SDR42E1: variants seen among roughly 807,000 people sequenced by gnomAD.
The protein encoded by SDR42E1 is short-chain dehydrogenase/reductase family 42E member 1.
Under a neutral mutation model 2.6 loss-of-function variants are expected in SDR42E1, and 5 were observed. That is an observed-to-expected ratio of 1.94 (90% CI 1.01 to 4.08). SDR42E1 has a LOEUF of 4.08. SDR42E1 is among the 30% of genes most tolerant of loss of function. SDR42E1 has a pLI of 0.00. For missense variants in SDR42E1, 596 were observed against 478.6 expected, an observed-to-expected ratio of 1.25 and a Z score of -2.29; for synonymous variants, 231 against 188.3, an observed-to-expected ratio of 1.23 and a Z score of -1.86.
intron 1 of SDR42E1, among the ~76,000 whole-genome samples, chr16:82,008,091 TAAAAG>T (rs1913007905): frequency 1.3e-5 from 2 of 152,180 alleles, no homozygotes; most frequent in Non-Finnish European, 1.5e-5. Context: ...GATGATTTTA[TAAAAG>T]AAAATTCCCC....
rs1912683217 is a variant in SDR42E1 at position 81,999,808 on chromosome 16, T to C, written c.485A>G (p.Lys162Arg). ...GGGTGTAGCATTCGCCTCCAGCACC[T>C]TCTGCTCTGCAATTGACTTTGTCCG... The part of the protein sequence containing the change: ...YSRTKSIAEQ[K>R]VLEANATPLD... The change falls in exon 3 of 3, where the codon AAG becomes AGG. Residue 162 changes from lysine (K) to arginine (R), a missense_variant. Lys to Arg is a conservative substitution (Grantham distance 26). Coordinates refer to ENST00000328945, the MANE Select transcript of SDR42E1 (RefSeq NM_145168.3). The C allele has an allele frequency of 6.2e-7, 1 of 1,614,096 alleles. No homozygotes were observed. The highest frequency in any genetic ancestry group is 8.5e-7 in the Non-Finnish European group (1 of 1,180,044).
chr16:82,009,406 C>T (rs983893913), intron 1 of SDR42E1, among the ~76,000 whole-genome samples: 2 of 152,234 alleles, frequency 1.3e-5, no homozygotes, highest in African/African-American at 4.8e-5. Context: ...CCTGCAAAAC[C>T]ACAAGGGTGG....
At position 81,988,911 on chromosome 16, in the gene SDR42E1, C is replaced by T. The variant is rs540148439; in HGVS notation, c.*10200G>A. On this transcript the variant is annotated 3_prime_UTR_variant, in exon 3 of 3. Transcript: ENST00000328945. Reference sequence around the variant, plus strand: ...AATGTTGGTAGAATACTGCTACATACCCAGAATTCAGGATTTTCTACTATA... The same window carrying T: ...AATGTTGGTAGAATACTGCTACATATCCAGAATTCAGGATTTTCTACTATA... 1 of 152,100 alleles carries T rather than the reference C, an allele frequency of 6.6e-6. No individual in the cohort carries two copies. Among genetic ancestry groups the T allele is most frequent in the Admixed American group, 6.6e-5 (1 of 15,256 alleles). 9.4% of individuals were successfully genotyped at this position (152,100 alleles called of 1,614,324 possible).
chr16:81,992,780 T>C lies in SDR42E1; in HGVS notation c.*6331A>G, dbSNP rs1193705035. ...TGTAGTGAACTAGATTTGGCCTCGG[T>C]CATAATTACTTGAGTTCAATGAACT... On this transcript the variant is annotated 3_prime_UTR_variant, in exon 3 of 3. Transcript: ENST00000328945. 1 of 151,994 alleles carries C rather than the reference T, an allele frequency of 6.6e-6. No homozygotes were observed. Among genetic ancestry groups the C allele is most frequent in the Non-Finnish European group, 1.5e-5 (1 of 68,012 alleles). The allele number at this position is 151,994 out of a possible 1,614,324, so 9.4% of individuals were successfully genotyped here.
At chr16:82,006,126 T>A (rs1912925064) in intron 1 of SDR42E1, among the ~76,000 whole-genome samples, 1 of 152,198 alleles carries the variant, frequency 6.6e-6, no homozygotes, top group South Asian at 2.1e-4. Context: ...AATATGGGTG[T>A]CATTAGCATT....
intron 1 of SDR42E1, among the ~76,000 whole-genome samples, chr16:82,001,873 G>A (rs1311830478): frequency 6.8e-6 from 1 of 146,602 alleles, no homozygotes; most frequent in African/African-American, 2.6e-5. Flanking sequence ...CTGCACTCTA[G>A]CCTGGGCGAC....
intron 1 of SDR42E1, among the ~76,000 whole-genome samples, chr16:82,008,349 G>A (rs1220931456): frequency 1.3e-5 from 2 of 152,218 alleles, no homozygotes; most frequent in African/African-American, 4.8e-5. Flanking sequence ...AAGTGACTTT[G>A]GAACTGGTTT....
Position 81,992,210 on chromosome 16 carries a change from T to C in SDR42E1, c.*6901A>G, listed in dbSNP as rs1296189014. On this transcript the variant is annotated 3_prime_UTR_variant, in exon 3 of 3. Coordinates refer to ENST00000328945, the MANE Select transcript of SDR42E1 (RefSeq NM_145168.3). ...TTATCCTGAGTAAACTCTCAACAAA[T>C]AGTAGCAATTAACTATTAACAATGT... 2 of 152,120 alleles carry C rather than the reference T, an allele frequency of 1.3e-5. No individual in the cohort carries two copies. The highest frequency in any genetic ancestry group is 4.8e-5 in the African/African-American group (2 of 41,424). The allele number at this position is 152,120 out of a possible 1,614,324, so 9.4% of individuals were successfully genotyped here.
chr16:82,007,846 A>C (rs1597181844), intron 1 of SDR42E1: 1 of 152,362 alleles, frequency 6.6e-6, no homozygotes, highest in South Asian at 2.1e-4. Context: ...TAGGCAATTC[A>C]CTGAACCTCT....
chr16:82,001,007 C>T (rs1912740549), intron 1 of SDR42E1, 123 bp from the exon 2 acceptor site: 1 of 600,988 alleles, frequency 1.7e-6, no homozygotes, highest in East Asian at 2.9e-5. Context: ...AGGTCTGGGT[C>T]TGGTCACAGC....
rs988388355 is a variant in SDR42E1 at position 81,994,808 on chromosome 16, C to T, written c.*4303G>A. On this transcript the variant is annotated 3_prime_UTR_variant, in exon 3 of 3. Coordinates refer to ENST00000328945, the MANE Select transcript of SDR42E1 (RefSeq NM_145168.3). Reference sequence around the variant, plus strand: ...GAAAGCAATACAAGGTAGAAGCAGCCCCAACAATCTACGACAAAGCAACAC... The same window carrying T: ...GAAAGCAATACAAGGTAGAAGCAGCTCCAACAATCTACGACAAAGCAACAC... 6.6e-6 allele frequency: 1 copy of T among 152,102 alleles called. No homozygotes were observed. Among genetic ancestry groups the T allele is most frequent in the Non-Finnish European group, 1.5e-5 (1 of 68,036 alleles). 9.4% of individuals were successfully genotyped at this position (152,102 alleles called of 1,614,324 possible). A position where few individuals can be genotyped will look rare whatever the true frequency, so the allele number is the denominator to read the frequency against.
intron 1 of SDR42E1, among the ~76,000 whole-genome samples, chr16:82,008,985 A>C (rs1913038647): frequency 6.6e-6 from 1 of 152,180 alleles, no homozygotes; most frequent in Non-Finnish European, 1.5e-5. Context: ...TGTGGCTAAA[A>C]CGGGCCAAGG....
rs193204874 is a variant in SDR42E1 at position 81,989,859 on chromosome 16, G to T, written c.*9252C>A. The T allele has an allele frequency of 1.3e-5, 2 of 152,150 alleles. No homozygotes were observed. Among genetic ancestry groups the T allele is most frequent in the South Asian group, 2.1e-4 (1 of 4,816 alleles). The allele number at this position is 152,150 out of a possible 1,614,324, so 9.4% of individuals were successfully genotyped here. On this transcript the variant is annotated 3_prime_UTR_variant, in exon 3 of 3. Coordinates refer to ENST00000328945, the MANE Select transcript of SDR42E1 (RefSeq NM_145168.3). ...CTAAAAATACAAAAATTAGCTGAGC[G>T]TGGTGGCGGGCACCTGTAATCCCAC...
At chr16:82,006,307 CTTA>C (rs1286778820) in intron 1 of SDR42E1, among the ~76,000 whole-genome samples, 1 of 152,192 alleles carries the variant, frequency 6.6e-6, no homozygotes, top group African/African-American at 2.4e-5. Context: ...TAACTGTATT[CTTA>C]TTATATTGAG....
intron 1 of SDR42E1, among the ~76,000 whole-genome samples, 175 bp from the exon 2 acceptor site, chr16:82,001,059 A>G (rs975295951): frequency 1.3e-5 from 2 of 152,154 alleles, no homozygotes; most frequent in Non-Finnish European, 2.9e-5. Flanking sequence ...TGGGCTTCAA[A>G]TTTCACCCGA....
In SDR42E1 at chr16:82,006,110, T is replaced by C. The variant is rs575141305; in HGVS notation, c.-26-5226A>G. ...CTTGCCCTCTGGTATCATAATGCAA[T>C]ATAGAAATATGGGTGTCATTAGCAT... On this transcript the variant is annotated intron_variant, in intron 1 of 2. Coordinates refer to ENST00000328945, the MANE Select transcript of SDR42E1 (RefSeq NM_145168.3). Among the ~76,000 whole-genome samples, 3 of 152,278 alleles carry C rather than the reference T, an allele frequency of 2.0e-5. No homozygotes were observed. In the South Asian group the frequency reaches 6.2e-4, roughly 32 times the overall value.
In SDR42E1 at chr16:81,995,882, A is replaced by G. The variant is rs2143835317; in HGVS notation, c.*3229T>C. On this transcript the variant is annotated 3_prime_UTR_variant, in exon 3 of 3. Transcript: ENST00000328945. The stretch of plus-strand genomic sequence containing the variant: ...TGCTATAAAAGAAAGGCAGGAAGCT[A>G]TGACAGGCCTGTAGCATCATTTGTA... 6.6e-6 allele frequency: 1 copy of G among 152,366 alleles called. No individual in the cohort carries two copies. Among genetic ancestry groups the G allele is most frequent in the East Asian group, 1.9e-4 (1 of 5,182 alleles). 9.4% of individuals were successfully genotyped at this position (152,366 alleles called of 1,614,324 possible). A position where few individuals can be genotyped will look rare whatever the true frequency, so the allele number is the denominator to read the frequency against.
At chr16:82,008,887 G>A (rs1041463340) in intron 1 of SDR42E1, among the ~76,000 whole-genome samples, 3 of 152,194 alleles carry the variant, frequency 2.0e-5, no homozygotes, top group Admixed American at 6.5e-5. Context: ...AAGTCTAGGA[G>A]GCAAAAATGG....
Position 81,999,446 on chromosome 16 carries a change from G to T in SDR42E1, c.847C>A (p.Pro283Thr), listed in dbSNP as rs777556685. Residue 283 changes from proline to threonine, a missense_variant, in exon 3 of 3, where the codon CCA becomes ACA. Coordinates refer to ENST00000328945, the MANE Select transcript of SDR42E1 (RefSeq NM_145168.3). Reference sequence around the variant, plus strand: ...GCAAAGCAGTAGACCAAGGTCAATGGCAGGCGGGTAGACGGGAATGTGTAG... The same window carrying T: ...GCAAAGCAGTAGACCAAGGTCAATGTCAGGCGGGTAGACGGGAATGTGTAG... ...LGYTFPSTRL[P>T]LTLVYCFAFL... The T allele has an allele frequency of 7.4e-6, 12 of 1,614,178 alleles. No homozygotes were observed. The highest frequency in any genetic ancestry group is 9.3e-6 in the Non-Finnish European group (11 of 1,180,036).
Sources: allele counts gnomAD v4.1 joint callset (sites outside exome capture counted in the v4.1 genomes callset), GRCh38; gene constraint gnomAD v4.1.1; transcripts MANE v1.5; gene names NCBI Gene and HGNC (gene_info 2026-07-23, HGNC 2026-07-21).